Variants in STXBP5 observed in about 807,000 individuals in gnomAD.
STXBP5 encodes syntaxin binding protein 5, also known as syntaxin-binding protein 5.
A neutral mutation model predicts 152.4 loss-of-function variants in STXBP5; 50 were observed. The observed-to-expected ratio is 0.33, with a 90% confidence interval of 0.26 to 0.42. The LOEUF is 0.42. Among genes scored for constraint, STXBP5 ranks in the 10% least tolerant of loss-of-function variants. The pLI, the probability that STXBP5 is intolerant of heterozygous loss-of-function variation, is 1.00. For synonymous variants in STXBP5, 492 were observed against 494.7 expected (o/e 0.99, Z 0.07); for missense variants, 1,167 against 1,388.6 (o/e 0.84, Z 2.54).
rs1211581151 is a variant in STXBP5, at chr6:147,388,078, A to C, written c.*3323A>C. ...TGGCAAAGATTTATTTTACACTTTA[A>C]CTTTTGGGATTTTATTTGTTTCAGC... On this transcript the variant is annotated 3_prime_UTR_variant, in exon 28 of 28. Coordinates refer to ENST00000321680, the MANE Select transcript of STXBP5 (RefSeq NM_001127715.4). 1 of 151,834 alleles carries C rather than the reference A, an allele frequency of 6.6e-6. No individual in the cohort carries two copies. The highest frequency in any genetic ancestry group is 1.5e-5 in the Non-Finnish European group (1 of 67,782). 9.4% of individuals were successfully genotyped at this position (151,834 alleles called of 1,614,324 possible). A position where few individuals can be genotyped will look rare whatever the true frequency, so the allele number is the denominator to read the frequency against.
intron 25 of STXBP5, among the ~76,000 whole-genome samples, chr6:147,366,229 G>A (rs915080647): frequency 6.6e-5 from 10 of 152,180 alleles, no homozygotes; most frequent in Admixed American, 5.2e-4. Flanking sequence ...TATTCAGCAC[G>A]TACACGTGAC....
At position 147,387,218 on chromosome 6, in the gene STXBP5, G is replaced by A. The variant is rs1202887397; in HGVS notation, c.*2463G>A. The A allele has an allele frequency of 1.3e-5, 2 of 151,296 alleles. No individual in the cohort carries two copies. Among genetic ancestry groups the A allele is most frequent in the Non-Finnish European group, 3.0e-5 (2 of 67,644 alleles). The allele number at this position is 151,296 out of a possible 1,614,324, so 9.4% of individuals were successfully genotyped here. A position where few individuals can be genotyped will look rare whatever the true frequency, so the allele number is the denominator to read the frequency against. Reference sequence around the variant, plus strand: ...AGTCTACAGTAATAACTAACCCAGGGAATTTACTGTAATTTGAGAGGTAAC... The same window carrying A: ...AGTCTACAGTAATAACTAACCCAGGAAATTTACTGTAATTTGAGAGGTAAC... On this transcript the variant is annotated 3_prime_UTR_variant, in exon 28 of 28. Transcript: ENST00000321680.
chr6:147,309,159 T>C (rs1782244091), intron 9 of STXBP5, among the ~76,000 whole-genome samples: 1 of 152,104 alleles, frequency 6.6e-6, no homozygotes, highest in South Asian at 2.1e-4. Context: ...ATGTGAAGAC[T>C]AAAAATTCTA....
At chr6:147,261,491 T>C (rs1357882680) in intron 5 of STXBP5, among the ~76,000 whole-genome samples, 1 of 152,062 alleles carries the variant, frequency 6.6e-6, no homozygotes, top group Non-Finnish European at 1.5e-5. Context: ...AATAGTGTTG[T>C]ATTGTTGCAT....
At chr6:147,274,455 C>CA (rs1220276550) in intron 7 of STXBP5, among the ~76,000 whole-genome samples, 1 of 152,078 alleles carries the variant, frequency 6.6e-6, no homozygotes, top group Non-Finnish European at 1.5e-5. Flanking sequence ...AACTACCTTA[C>CA]AAAATGTATT....
At chr6:147,246,174 C>A (rs1367547371) in intron 4 of STXBP5, among the ~76,000 whole-genome samples, 1 of 152,134 alleles carries the variant, frequency 6.6e-6, no homozygotes, top group Admixed American at 6.6e-5. Flanking sequence ...AGAATATGTT[C>A]CATTTAGCTT....
At chr6:147,220,663 G>A (rs1777413320) in intron 2 of STXBP5, among the ~76,000 whole-genome samples, 1 of 152,104 alleles carries the variant, frequency 6.6e-6, no homozygotes, top group African/African-American at 2.4e-5. Context: ...TGAAGTCTGT[G>A]TCTGAAATTA....
In STXBP5 at chr6:147,373,782, A is replaced by C. The variant is rs772181380; in HGVS notation, c.3133A>C (p.Arg1045=). 5.0e-6 allele frequency: 8 copies of C among 1,613,922 alleles called. No individual in the cohort carries two copies. Among genetic ancestry groups the C allele is most frequent in the South Asian group, 2.2e-5 (2 of 91,078 alleles). Residue 1045 remains arginine (R), a synonymous_variant, in exon 26 of 28, where the codon AGG becomes CGG. Coordinates refer to ENST00000321680, the MANE Select transcript of STXBP5 (RefSeq NM_001127715.4). ...TPVETPEAPN[R]GFFKGLFGGG... ...TGTAGAAACACCTGAAGCACCAAAC[A>C]GGGGATTCTTTAAAGGCTTATTTGG...
At position 147,385,932 on chromosome 6, in the gene STXBP5, A is replaced by G. The variant is rs186770508; in HGVS notation, c.*1177A>G. The stretch of plus-strand genomic sequence containing the variant: ...GACCTACAAAATATTTTGTGTAGAA[A>G]TATACTATAAATCTGTACATATCCT... On this transcript the variant is annotated 3_prime_UTR_variant, in exon 28 of 28. Coordinates refer to ENST00000321680, the MANE Select transcript of STXBP5 (RefSeq NM_001127715.4). 6 of 152,090 alleles carry G rather than the reference A, an allele frequency of 3.9e-5. No individual in the cohort carries two copies. Among genetic ancestry groups the G allele is most frequent in the Non-Finnish European group, 5.9e-5 (4 of 67,966 alleles). The allele number at this position is 152,090 out of a possible 1,614,324, so 9.4% of individuals were successfully genotyped here. A position where few individuals can be genotyped will look rare whatever the true frequency, so the allele number is the denominator to read the frequency against.
At chr6:147,317,853 A>G (rs1199318549) in intron 16 of STXBP5, among the ~76,000 whole-genome samples, 3 of 152,146 alleles carry the variant, frequency 2.0e-5, no homozygotes, top group South Asian at 4.1e-4. Context: ...TGTTCCGTTA[A>G]TGCCCTTGTT....
At chr6:147,366,146 T>C (rs1005752466) in intron 25 of STXBP5, among the ~76,000 whole-genome samples, 16 of 152,094 alleles carry the variant, frequency 1.1e-4, no homozygotes, top group African/African-American at 3.9e-4. Context: ...ACCAGGTAAA[T>C]TCGAGAGAAA....
At chr6:147,335,125 T>G (rs937776116) in intron 19 of STXBP5, among the ~76,000 whole-genome samples, 3 of 152,174 alleles carry the variant, frequency 2.0e-5, no homozygotes, top group African/African-American at 7.2e-5. Flanking sequence ...TACCTATGCA[T>G]TTTCTGACTT....
intron 18 of STXBP5, among the ~76,000 whole-genome samples, chr6:147,329,617 C>CTTTTTTTTTTTTTTTTTT (rs34913817): frequency 1.4e-5 from 1 of 71,706 alleles, no homozygotes; most frequent in Non-Finnish European, 2.4e-5. Flanking sequence ...GTTCTTCAGG[C>CTTTTTTTTTTTTTTTTTT]TTTTTTTTTT....
chr6:147,371,583 C>G (rs1476418610), intron 25 of STXBP5, among the ~76,000 whole-genome samples: 2 of 152,124 alleles, frequency 1.3e-5, no homozygotes, highest in African/African-American at 4.8e-5. Context: ...CTTTGACAGA[C>G]TAATTTGACT....
intron 2 of STXBP5, among the ~76,000 whole-genome samples, chr6:147,216,090 T>C (rs1216146839): frequency 1.3e-5 from 2 of 152,158 alleles, no homozygotes; most frequent in Non-Finnish European, 2.9e-5. Flanking sequence ...AAATGAATAA[T>C]GTATTTTTTA....
chr6:147,307,346 C>T (rs1582920129), intron 9 of STXBP5, among the ~76,000 whole-genome samples: 1 of 152,078 alleles, frequency 6.6e-6, no homozygotes, highest in Non-Finnish European at 1.5e-5. Flanking sequence ...ATCTCTAGAC[C>T]TTATGACATC....
At position 147,375,137 on chromosome 6, in the gene STXBP5, C is replaced by A. The variant is rs114260293; in HGVS notation, c.3193+1295C>A. ...ATAGATAACCAGGAACATAGATGAC[C>A]AGAAACCACTCATAGATAACCAGGA... On this transcript the variant is annotated intron_variant, in intron 26 of 27. Transcript: ENST00000321680. Among the ~76,000 whole-genome samples, 1,263 of 152,096 alleles carry A rather than the reference C, an allele frequency of 8.3e-3. 20 individuals are homozygous for A. The highest frequency in any genetic ancestry group is 0.029 in the African/African-American group (1,213 of 41,486).
At chr6:147,321,276 A>G (rs957378514) in intron 16 of STXBP5, among the ~76,000 whole-genome samples, 1 of 152,180 alleles carries the variant, frequency 6.6e-6, no homozygotes, top group Non-Finnish European at 1.5e-5. Flanking sequence ...TATAATATTG[A>G]GGCTTTTTTC....
At chr6:147,259,620 C>T (rs1437556499) in intron 4 of STXBP5, among the ~76,000 whole-genome samples, 7 of 152,050 alleles carry the variant, frequency 4.6e-5, no homozygotes. Flanking sequence ...ATTCTGTATG[C>T]TTTGCCGAGT....
Sources: gnomAD v4.1 joint callset for allele counts (sites outside exome capture counted in the v4.1 genomes callset) on GRCh38, gnomAD v4.1.1 for gene constraint, MANE v1.5 for transcripts, NCBI Gene and HGNC (gene_info 2026-07-23, HGNC 2026-07-21) for gene names.